Variants in SRRM3 observed in about 807,000 individuals in gnomAD.
SRRM3 encodes the protein serine/arginine repetitive matrix protein 3.
SRRM3 carries 27 observed loss-of-function variants against 66.2 expected under a neutral mutation model. The observed-to-expected ratio is 0.41, with a 90% CI of 0.30 to 0.56. The LOEUF (loss-of-function observed/expected upper bound fraction) is 0.56. Among genes scored for constraint, SRRM3 ranks in the 20% least tolerant of loss-of-function variants. The pLI, the probability that SRRM3 is intolerant of heterozygous loss-of-function variation, is 0.32. For synonymous variants in SRRM3, 391 were observed against 414.9 expected, an observed-to-expected ratio of 0.94 and a Z score of 0.70; for missense variants, 918 against 991.9, an observed-to-expected ratio of 0.93 and a Z score of 1.00.
chr7:76,285,826 G>C lies in SRRM3; in HGVS notation c.1945G>C (p.Glu649Gln). ...CAGCTACCACAGCCGGAGCAGCTCT[G>C]AGAGCGGGGGCTTCTGAGCCCAGAC... ...SPSYHSRSSS[E>Q]SGGF is the part of the protein sequence containing the mutation. Residue 649 changes from glutamate to glutamine, a missense_variant, in exon 15 of 15, where the codon GAG (glutamate) becomes CAG (glutamine). Glu to Gln is a conservative substitution (Grantham distance 29). Coordinates refer to ENST00000611745, the MANE Select transcript of SRRM3 (RefSeq NM_001110199.3). The surrounding 1 kb of genome is among the most constrained non-coding windows in gnomAD (Gnocchi z 4.1). 1 of 1,549,862 alleles carries C rather than the reference G, an allele frequency of 6.5e-7. No homozygotes were observed. The highest frequency in any genetic ancestry group is 8.7e-7 in the Non-Finnish European group (1 of 1,146,478).
intron 1 of SRRM3, among the ~76,000 whole-genome samples, chr7:76,207,070 G>A (rs1371246730): frequency 6.6e-6 from 1 of 152,130 alleles, no homozygotes; most frequent in Non-Finnish European, 1.5e-5. Context: ...GTACAGAATC[G>A]TTCTGATTGT....
intron 10 of SRRM3, among the ~76,000 whole-genome samples, chr7:76,266,184 T>TATATATAAATATTTATATATTTA (rs1802023650): frequency 2.1e-5 from 2 of 95,802 alleles, no homozygotes; most frequent in Non-Finnish European, 3.4e-5. Context: ...ATATATTTAA[T>TATATATAAATATTTATATATTTA]ATATATAAAT....
At chr7:76,243,129 T>C (rs1801351728) in intron 2 of SRRM3, among the ~76,000 whole-genome samples, 1 of 152,062 alleles carries the variant, frequency 6.6e-6, no homozygotes, top group South Asian at 2.1e-4. Context: ...GGGACTAATA[T>C]CCAGATGACA....
intron 12 of SRRM3, among the ~76,000 whole-genome samples, chr7:76,282,395 T>G (rs1247155769): frequency 8.4e-6 from 1 of 118,602 alleles, no homozygotes; most frequent in Non-Finnish European, 1.8e-5. Flanking sequence ...CCCCGCTTAC[T>G]GATCACTCTC....
intron 3 of SRRM3, among the ~76,000 whole-genome samples, chr7:76,250,919 G>A (rs1235237715): frequency 6.6e-6 from 1 of 152,174 alleles, no homozygotes; most frequent in Non-Finnish European, 1.5e-5. Context: ...CCCCCACCCA[G>A]GGCCCCTGGC....
At chr7:76,260,074 C>CT in intron 4 of SRRM3, 40 bp downstream of exon 4, 1 of 1,332,906 alleles carries the variant, frequency 7.5e-7, no homozygotes, top group Middle Eastern at 2.9e-4. Flanking sequence ...GCGCGCGGGG[C>CT]TGCCCCCCCT....
At chr7:76,263,474 G>A (rs1252104399) in intron 8 of SRRM3, among the ~76,000 whole-genome samples, 3 of 152,218 alleles carry the variant, frequency 2.0e-5, no homozygotes, top group Non-Finnish European at 4.4e-5. Flanking sequence ...GGGTTGGGGG[G>A]CTTGCCCCAG....
chr7:76,275,249 G>A (rs147148192), intron 11 of SRRM3, among the ~76,000 whole-genome samples: 12 of 152,100 alleles, frequency 7.9e-5, no homozygotes, highest in Non-Finnish European at 1.6e-4. Flanking sequence ...GGAGGCAGGT[G>A]TCAGGGAGCT....
chr7:76,259,782 C>A (rs1232585770), intron 3 of SRRM3, 124 bp from the exon 4 acceptor site: 5 of 1,459,180 alleles, frequency 3.4e-6, no homozygotes, highest in Non-Finnish European at 4.7e-6. Context: ...AGTTACCCCT[C>A]GCCCCTCCCC....
At chr7:76,223,532 C>T (rs1452993015) in intron 1 of SRRM3, among the ~76,000 whole-genome samples, 1 of 152,184 alleles carries the variant, frequency 6.6e-6, no homozygotes, top group East Asian at 1.9e-4. Flanking sequence ...GATTGTTGCA[C>T]ACACTTATTT....
chr7:76,219,376 A>G (rs978623944), intron 1 of SRRM3, among the ~76,000 whole-genome samples: 15 of 152,140 alleles, frequency 9.9e-5, no homozygotes, highest in African/African-American at 3.6e-4. Flanking sequence ...CATTACCTGT[A>G]CTGTGGACTC....
At chr7:76,225,469 C>T (rs868929593) in intron 1 of SRRM3, among the ~76,000 whole-genome samples, 3 of 142,348 alleles carry the variant, frequency 2.1e-5, no homozygotes, top group African/African-American at 7.6e-5. Flanking sequence ...TGCCCCCCTC[C>T]CCGCCCCCCC....
chr7:76,262,807 C>T (rs1308473508), intron 8 of SRRM3, among the ~76,000 whole-genome samples: 1 of 148,362 alleles, frequency 6.7e-6, no homozygotes, highest in Non-Finnish European at 1.5e-5. Flanking sequence ...CAGAGCAAGA[C>T]TCCATCTCAA....
intron 8 of SRRM3, among the ~76,000 whole-genome samples, chr7:76,262,516 G>GAAAAAAAAAAAAAA (rs782055282): frequency 1.1e-5 from 1 of 92,758 alleles, no homozygotes; most frequent in African/African-American, 4.0e-5. Flanking sequence ...CTCTGTCTCA[G>GAAAAAAAAAAAAAA]AAAAAAAAAA....
intron 9 of SRRM3, 48 bp from the exon 10 acceptor site, chr7:76,265,316 A>AG: frequency 6.9e-7 from 1 of 1,458,122 alleles, no homozygotes; most frequent in Non-Finnish European, 9.4e-7. Context: ...TGGGGGGATC[A>AG]CGGGGGGCAG....
intron 2 of SRRM3, among the ~76,000 whole-genome samples, chr7:76,243,110 G>A (rs1801351050): frequency 6.6e-6 from 1 of 152,170 alleles, no homozygotes; most frequent in South Asian, 2.1e-4. Flanking sequence ...TTCAACATGA[G>A]ATTGGGAGGG....
At chr7:76,230,407 TGG>T (rs527841891) in intron 1 of SRRM3, among the ~76,000 whole-genome samples, 15 of 152,162 alleles carry the variant, frequency 9.9e-5, no homozygotes, top group African/African-American at 3.4e-4. Context: ...CCCAACACTT[TGG>T]GAGGCCGAAG....
intron 1 of SRRM3, among the ~76,000 whole-genome samples, chr7:76,217,967 T>G (rs1412690024): frequency 6.6e-6 from 1 of 152,158 alleles, no homozygotes; most frequent in Non-Finnish European, 1.5e-5. Context: ...ATGGTGCAGT[T>G]TAGACTAACA....
intron 1 of SRRM3, among the ~76,000 whole-genome samples, chr7:76,228,715 C>T (rs1328289771): frequency 6.6e-6 from 1 of 151,970 alleles, no homozygotes; most frequent in Non-Finnish European, 1.5e-5. Flanking sequence ...CAGTGCGAGA[C>T]GCCGTCTCAA....
Sources: gnomAD v4.1 joint callset for allele counts (sites outside exome capture counted in the v4.1 genomes callset) on GRCh38, gnomAD v4.1.1 for gene constraint, Gnocchi (gnomAD v3.1) non-coding constraint, MANE v1.5 for transcripts, NCBI Gene and HGNC (gene_info 2026-07-23, HGNC 2026-07-21) for gene names.